CHMP2B: variants seen among roughly 807,000 people sequenced by gnomAD.
The protein encoded by CHMP2B is VPS2 homolog B.
In CHMP2B, 22 loss-of-function variants were observed where a neutral mutation model predicts 29.8. The ratio of observed to expected loss-of-function variants is 0.74; its 90% CI spans 0.53 to 1.05. The LOEUF is 1.05. Ranked by LOEUF, CHMP2B falls within the 50% of genes least tolerant of loss-of-function variation. CHMP2B has a pLI of 0.00. For missense variants in CHMP2B, 261 were observed against 252.2 expected, an observed-to-expected ratio of 1.03 and a Z score of -0.24; for synonymous variants, 78 against 75.8, an observed-to-expected ratio of 1.03 and a Z score of -0.15.
intron 1 of CHMP2B, among the ~76,000 whole-genome samples, chr3:87,227,771 C>T (rs1354159943): frequency 6.6e-6 from 1 of 152,238 alleles, no homozygotes; most frequent in Non-Finnish European, 1.5e-5. Context: ...GCTTCCCTAT[C>T]CTCACGATTC....
chr3:87,253,415 C>A lies in CHMP2B; in HGVS notation c.436C>A (p.Leu146Ile). The change falls in exon 5 of 6, where the codon CTT becomes ATT. Residue 146 changes from leucine to isoleucine, a missense_variant. Coordinates refer to ENST00000263780, the MANE Select transcript of CHMP2B (RefSeq NM_014043.4). ...EMTEEMINDTLDDIFDGSDDE... is the reference protein window; with the variant it reads ...EMTEEMINDTIDDIFDGSDDE... ...CCCATATCCCCTAGTCAATGATACA[C>A]TTGATGACATCTTTGACGGTTCTGA... 6.2e-7 allele frequency: 1 copy of A among 1,602,146 alleles called. No homozygotes were observed. Among genetic ancestry groups the A allele is most frequent in the African/African-American group, 1.3e-5 (1 of 74,760 alleles).
At chr3:87,245,984 T>C in intron 3 of CHMP2B, 76 bp downstream of exon 3, 1 of 1,187,078 alleles carries the variant, frequency 8.4e-7, no homozygotes, top group Non-Finnish European at 1.2e-6. Flanking sequence ...AAAGCAGATT[T>C]AAAAGCACCT....
chr3:87,246,188 A>G (rs1263916521), intron 3 of CHMP2B, among the ~76,000 whole-genome samples: 1 of 151,378 alleles, frequency 6.6e-6, no homozygotes, highest in Non-Finnish European at 1.5e-5. Context: ...CACAGGCTGG[A>G]GTGCAGTGGC....
chr3:87,246,218 T>G (rs1825899), intron 3 of CHMP2B, among the ~76,000 whole-genome samples: 1 of 151,626 alleles, frequency 6.6e-6, no homozygotes, highest in South Asian at 2.1e-4. Context: ...GCTCCCTGCA[T>G]CCTCCGCCTC....
rs72563125 is a variant in CHMP2B, at chr3:87,249,781, C to T, written c.322-94C>T. ...CGGCAGGATGGATATCTTTTTAAAG[C>T]CTATCTATATTTGATGTGTTCCCTT... On this transcript the variant is annotated intron_variant, in intron 3 of 5. Transcript: ENST00000263780. 3.5e-4 allele frequency: 247 copies of T among 698,398 alleles called. 3 individuals carry two copies. The African/African-American group carries it at 3.9e-3, about 11-fold the overall frequency. The allele number at this position is 698,398 out of a possible 1,614,324, so 43.3% of individuals were successfully genotyped here.
At chr3:87,248,761 G>A (rs2106911619) in intron 3 of CHMP2B, among the ~76,000 whole-genome samples, 1 of 152,122 alleles carries the variant, frequency 6.6e-6, no homozygotes, top group South Asian at 2.1e-4. Context: ...GTTGGGGGTG[G>A]GGAGGGATGG....
rs115473908 is a variant in CHMP2B at position 87,239,901 on chromosome 3, G to A, written c.35-798G>A. Among the ~76,000 whole-genome samples, 1,357 of 152,230 alleles carry A rather than the reference G, an allele frequency of 8.9e-3. 20 individuals are homozygous for A. Among genetic ancestry groups the A allele is most frequent in the African/African-American group, 0.031 (1,283 of 41,534 alleles). On this transcript the variant is annotated intron_variant, in intron 1 of 5. Transcript: ENST00000263780. ...CAAGGTATAATCATGATGATCAAGT[G>A]GCTGAGGTGAGATTCAAATCCAGAT...
Position 87,253,848 on chromosome 3 carries a change from T to C in CHMP2B, c.*26T>C, listed in dbSNP as rs753199418. The stretch of plus-strand genomic sequence containing the variant: ...TCAAAAGAAGTCATACTATTTTGCT[T>C]ACTTATAATTATGTAGTATAAACCA... On this transcript the variant is annotated 3_prime_UTR_variant, in exon 6 of 6. Coordinates refer to ENST00000263780, the MANE Select transcript of CHMP2B (RefSeq NM_014043.4). 9.1e-6 allele frequency: 14 copies of C among 1,539,824 alleles called. No individual in the cohort carries two copies. The Admixed American group carries it at 2.4e-4, about 26-fold the overall frequency.
In CHMP2B at chr3:87,246,239, G is replaced by A. The variant is rs901992011; in HGVS notation, c.321+331G>A. Among the ~76,000 whole-genome samples the A allele has an allele frequency of 6.6e-5, 10 of 151,962 alleles. No individual in the cohort carries two copies. The East Asian group carries it at 1.9e-3, about 29-fold the overall frequency. Reference sequence around the variant, plus strand: ...TGCATCCTCCGCCTCCTGGATTCAAGTGATTCTCCTGCCTCAGCCTCCTGA... The same window carrying A: ...TGCATCCTCCGCCTCCTGGATTCAAATGATTCTCCTGCCTCAGCCTCCTGA... On this transcript the variant is annotated intron_variant, in intron 3 of 5. Transcript: ENST00000263780.
At position 87,244,291 on chromosome 3, in the gene CHMP2B, G is replaced by A. The variant is rs538611443; in HGVS notation, c.127-1423G>A. 4.0e-5 allele frequency among the ~76,000 whole-genome samples: 6 copies of A among 151,670 alleles called. No individual in the cohort carries two copies. In the East Asian group the frequency reaches 7.8e-4, roughly 20 times the overall value. On this transcript the variant is annotated intron_variant, in intron 2 of 5. Coordinates refer to ENST00000263780, the MANE Select transcript of CHMP2B (RefSeq NM_014043.4). The stretch of plus-strand genomic sequence containing the variant: ...GATTTCTTGACCTCATTATCTGCCC[G>A]CCTCAGCCTCCCAAAGTGTTGGGAT...
At chr3:87,233,536 A>G (rs1050107420) in intron 1 of CHMP2B, among the ~76,000 whole-genome samples, 33 of 152,118 alleles carry the variant, frequency 2.2e-4, no homozygotes, top group African/African-American at 8.0e-4. Flanking sequence ...GGCAAGCTCC[A>G]TCATGCCTAG....
intron 1 of CHMP2B, among the ~76,000 whole-genome samples, chr3:87,228,108 A>G (rs554269881): frequency 6.6e-6 from 1 of 152,256 alleles, no homozygotes; most frequent in African/African-American, 2.4e-5. Context: ...AACCCAAGGG[A>G]AGTGCCCAGA....
chr3:87,236,376 G>A (rs1408996883), intron 1 of CHMP2B, among the ~76,000 whole-genome samples: 1 of 152,060 alleles, frequency 6.6e-6, no homozygotes, highest in African/African-American at 2.4e-5. Flanking sequence ...CAGGCACCCA[G>A]GATGAAGACC....
intron 1 of CHMP2B, among the ~76,000 whole-genome samples, chr3:87,234,493 C>T (rs1462338260): frequency 6.6e-6 from 1 of 152,198 alleles, no homozygotes; most frequent in Admixed American, 6.5e-5. Context: ...GTGGAGCCGG[C>T]CTGGGTGGCC....
intron 2 of CHMP2B, among the ~76,000 whole-genome samples, chr3:87,245,496 T>C (rs79058943): frequency 0.027 from 4,060 of 151,932 alleles, 77 homozygotes; most frequent in African/African-American, 0.042. Flanking sequence ...TTTGTATTCA[T>C]GGATGGAGAT....
intron 3 of CHMP2B, among the ~76,000 whole-genome samples, chr3:87,247,041 T>A (rs566395660): frequency 1.2e-4 from 19 of 152,236 alleles, no homozygotes; most frequent in African/African-American, 4.1e-4. Flanking sequence ...AAAAATAGCC[T>A]CAGAGGAAAG....
At chr3:87,241,371 A>G (rs1351515354) in intron 2 of CHMP2B, among the ~76,000 whole-genome samples, 1 of 152,166 alleles carries the variant, frequency 6.6e-6, no homozygotes. Context: ...ACATATGTAT[A>G]AACTCGTGAA....
At chr3:87,252,643 T>C (rs1486603128) in intron 4 of CHMP2B, among the ~76,000 whole-genome samples, 3 of 151,960 alleles carry the variant, frequency 2.0e-5, no homozygotes, top group Non-Finnish European at 4.4e-5. Context: ...AATTTTTTTC[T>C]TTTATACTCA....
intron 1 of CHMP2B, among the ~76,000 whole-genome samples, chr3:87,235,519 A>C (rs1232285828): frequency 6.6e-6 from 1 of 152,170 alleles, no homozygotes; most frequent in Non-Finnish European, 1.5e-5. Flanking sequence ...AACAACTATG[A>C]GGCTGTGGAA....
Sources: gnomAD v4.1 joint callset for allele counts (sites outside exome capture counted in the v4.1 genomes callset) on GRCh38, gnomAD v4.1.1 for gene constraint, MANE v1.5 for transcripts, NCBI Gene and HGNC (gene_info 2026-07-23, HGNC 2026-07-21) for gene names.